FSTL5: variants seen among roughly 807,000 people sequenced by gnomAD.
FSTL5 encodes follistatin like 5.
Under a neutral mutation model 89.1 loss-of-function variants are expected in FSTL5, and 62 were observed. The ratio of observed to expected loss-of-function variants is 0.70; its 90% CI spans 0.57 to 0.86. The LOEUF is 0.86. Among genes scored for constraint, FSTL5 ranks in the 40% least tolerant of loss-of-function variants. The pLI is 0.00. For missense variants in FSTL5, 1,057 were observed against 1,001.6 expected (o/e 1.06, Z -0.75); for synonymous variants, 383 against 346.2 (o/e 1.11, Z -1.18).
At chr4:161,680,002 CT>C (rs1315688924) in intron 6 of FSTL5, among the ~76,000 whole-genome samples, 1 of 151,686 alleles carries the variant, frequency 6.6e-6, no homozygotes, top group African/African-American at 2.4e-5. Flanking sequence ...AACATTTGCA[CT>C]TTTATTCTTA....
At chr4:161,596,099 TATTGAG>T (rs1560971020) in intron 7 of FSTL5, among the ~76,000 whole-genome samples, 1 of 151,920 alleles carries the variant, frequency 6.6e-6, no homozygotes. Flanking sequence ...AACTTCTACA[TATTGAG>T]ATTGACTAAA....
At chr4:161,578,079 A>G (rs373824503) in intron 8 of FSTL5, among the ~76,000 whole-genome samples, 29 of 152,244 alleles carry the variant, frequency 1.9e-4, no homozygotes, top group African/African-American at 7.0e-4. Flanking sequence ...CATTCAATAC[A>G]CAAATTAACA....
At chr4:161,898,875 C>T (rs773017798) in intron 4 of FSTL5, among the ~76,000 whole-genome samples, 3 of 152,004 alleles carry the variant, frequency 2.0e-5, no homozygotes, top group Non-Finnish European at 2.9e-5. Context: ...ATGATCCGCC[C>T]GCCTCAGCAT....
At position 161,500,130 on chromosome 4, in the gene FSTL5, C is replaced by A; in HGVS notation, c.1344G>T (p.Leu448=). The change falls in exon 12 of 16, where the codon CTG becomes CTT. Residue 448 remains leucine (L), a synonymous_variant. Transcript: ENST00000306100. ...LANILWREEG[L]GIGNMFYVFY... is the part of the protein sequence containing the mutation. ...AAACATAGAACATGTTCCCAATTCC[C>A]AGACCTTAGGAATAAAAACACATTT... is the stretch of plus-strand genomic sequence containing the variant. 6.4e-7 allele frequency: 1 copy of A among 1,560,292 alleles called. No homozygotes were observed. Among genetic ancestry groups the A allele is most frequent in the Non-Finnish European group, 8.8e-7 (1 of 1,136,674 alleles).
intron 3 of FSTL5, among the ~76,000 whole-genome samples, chr4:161,970,729 G>T (rs1189225095): frequency 6.6e-6 from 1 of 151,856 alleles, no homozygotes; most frequent in Non-Finnish European, 1.5e-5. Flanking sequence ...TCAAGAAAAA[G>T]GCCATTAAAA....
At chr4:161,891,975 A>C in intron 4 of FSTL5, among the ~76,000 whole-genome samples, 1 of 152,040 alleles carries the variant, frequency 6.6e-6, no homozygotes, top group East Asian at 1.9e-4. Context: ...GTCCATATGA[A>C]TGACTAGCTT....
Position 161,955,049 on chromosome 4 carries a change from C to T in FSTL5, c.161-34397G>A, listed in dbSNP as rs1050388197. Among the ~76,000 whole-genome samples the T allele has an allele frequency of 8.6e-5, 13 of 151,188 alleles. No individual in the cohort carries two copies. The East Asian group carries it at 1.4e-3, about 16-fold the overall frequency. On this transcript the variant is annotated intron_variant, in intron 3 of 15. Transcript: ENST00000306100. Reference sequence around the variant, plus strand: ...AACATTTAAAACAATAAATTGTACCCGCAGATTTTACTCTTATAAGACTTT... The same window carrying T: ...AACATTTAAAACAATAAATTGTACCTGCAGATTTTACTCTTATAAGACTTT...
chr4:161,567,293 T>G (rs1732851823), intron 8 of FSTL5, among the ~76,000 whole-genome samples: 1 of 152,104 alleles, frequency 6.6e-6, no homozygotes, highest in African/African-American at 2.4e-5. Context: ...ATAAAATTTA[T>G]TTTTAAAACA....
At chr4:161,886,098 G>C (rs1579168442) in intron 4 of FSTL5, among the ~76,000 whole-genome samples, 1 of 152,144 alleles carries the variant, frequency 6.6e-6, no homozygotes, top group African/African-American at 2.4e-5. Flanking sequence ...GAAGCAATTC[G>C]CAGTACTATT....
At chr4:161,707,976 T>G (rs570296466) in intron 6 of FSTL5, among the ~76,000 whole-genome samples, 1 of 151,730 alleles carries the variant, frequency 6.6e-6, no homozygotes, top group South Asian at 2.1e-4. Flanking sequence ...GCATTGCTTA[T>G]CAGTTATAGA....
chr4:161,607,480 T>C (rs1435901541), intron 7 of FSTL5, among the ~76,000 whole-genome samples: 1 of 152,144 alleles, frequency 6.6e-6, no homozygotes, highest in Non-Finnish European at 1.5e-5. Flanking sequence ...TATCTGTCTG[T>C]TTCTGCGATA....
At chr4:161,556,414 A>G (rs1057423294) in intron 8 of FSTL5, among the ~76,000 whole-genome samples, 3 of 151,594 alleles carry the variant, frequency 2.0e-5, no homozygotes, top group Non-Finnish European at 3.0e-5. Flanking sequence ...AAGAATTTTA[A>G]CAACATGTAA....
intron 15 of FSTL5, among the ~76,000 whole-genome samples, chr4:161,389,456 T>C (rs1404496133): frequency 1.3e-5 from 2 of 152,154 alleles, no homozygotes; most frequent in African/African-American, 4.8e-5. Context: ...GAATGTCTAA[T>C]CAAAGTAGTT....
intron 4 of FSTL5, among the ~76,000 whole-genome samples, chr4:161,898,164 T>C (rs1733230011): frequency 6.7e-6 from 1 of 148,716 alleles, no homozygotes; most frequent in Admixed American, 6.7e-5. Flanking sequence ...CATAGGTATA[T>C]TGATGTGTAT....
intron 4 of FSTL5, among the ~76,000 whole-genome samples, chr4:161,873,097 G>A (rs1180814541): frequency 1.3e-5 from 2 of 151,096 alleles, no homozygotes; most frequent in African/African-American, 4.8e-5. Flanking sequence ...AAATTTTTCT[G>A]AGAGTCTAAC....
rs138443202 is a variant in FSTL5 at position 161,838,364 on chromosome 4, C to T, written c.410-62290G>A. ...CGTGATCTCAGATCACTGCAACCTC[C>T]GCCTCCCAGGTTCATGCCATTCTCC... is the stretch of plus-strand genomic sequence containing the variant. On this transcript the variant is annotated intron_variant, in intron 4 of 15. Coordinates refer to ENST00000306100, the MANE Select transcript of FSTL5 (RefSeq NM_020116.5). Among the ~76,000 whole-genome samples, 538 of 152,298 alleles carry T rather than the reference C, an allele frequency of 3.5e-3. 7 individuals carry two copies. The highest frequency in any genetic ancestry group is 0.011 in the African/African-American group (448 of 41,556).
intron 6 of FSTL5, among the ~76,000 whole-genome samples, chr4:161,663,321 T>C (rs1179236503): frequency 2.0e-5 from 3 of 152,188 alleles, no homozygotes; most frequent in South Asian, 2.1e-4. Context: ...CTTTCTCCTA[T>C]GAGCCTTTAA....
At chr4:161,947,608 G>A (rs1225913086) in intron 3 of FSTL5, among the ~76,000 whole-genome samples, 1 of 151,978 alleles carries the variant, frequency 6.6e-6, no homozygotes, top group Non-Finnish European at 1.5e-5. Context: ...TTTAATTACT[G>A]TAGCTTTGTT....
At chr4:162,161,281 C>T (rs766574992) in intron 1 of FSTL5, among the ~76,000 whole-genome samples, 5 of 151,784 alleles carry the variant, frequency 3.3e-5, no homozygotes, top group African/African-American at 1.2e-4. Flanking sequence ...AAGGGGCCAC[C>T]ACATTTGAAT....
Sources: allele counts gnomAD v4.1 joint callset (sites outside exome capture counted in the v4.1 genomes callset), GRCh38; gene constraint gnomAD v4.1.1; transcripts MANE v1.5; gene names NCBI Gene and HGNC (gene_info 2026-07-23, HGNC 2026-07-21).